The following GABRB3 variants were observed in gnomAD, a reference collection of about 807,000 sequenced individuals.
GABRB3 encodes the protein gamma-aminobutyric acid receptor subunit beta-3.
GABRB3 carries 14 observed loss-of-function variants against 52.1 expected under a neutral mutation model. The observed-to-expected ratio is 0.27, with a 90% CI of 0.18 to 0.42. The LOEUF (loss-of-function observed/expected upper bound fraction) is 0.42, where lower values mean the gene tolerates loss of function less well. Ranked by LOEUF, GABRB3 falls within the 10% of genes least tolerant of loss-of-function variation. The pLI is 1.00. For missense variants in GABRB3, 307 were observed against 609.1 expected, an observed-to-expected ratio of 0.50 and a Z score of 5.22; for synonymous variants, 260 against 232.3, an observed-to-expected ratio of 1.12 and a Z score of -1.08.
intron 3 of GABRB3, among the ~76,000 whole-genome samples, chr15:26,685,367 A>G (rs1888368747): frequency 1.3e-5 from 2 of 152,204 alleles, no homozygotes; most frequent in African/African-American, 4.8e-5. Context: ...ATGATACAGG[A>G]ATGGAGGCAC....
chr15:26,584,278 T>C (rs1890898880), intron 4 of GABRB3, among the ~76,000 whole-genome samples: 1 of 152,202 alleles, frequency 6.6e-6, no homozygotes, highest in Admixed American at 6.5e-5. Flanking sequence ...GTTTCTCTTC[T>C]TGTCTATAGG....
At chr15:26,701,049 G>A (rs572795435) in intron 3 of GABRB3, among the ~76,000 whole-genome samples, 10 of 126,998 alleles carry the variant, frequency 7.9e-5, no homozygotes, top group South Asian at 4.9e-4. Context: ...AGCGAGACTC[G>A]TCTCAAAAAA....
chr15:26,567,522 T>C, intron 7 of GABRB3, 59 bp downstream of exon 7: 1 of 1,545,110 alleles, frequency 6.5e-7, no homozygotes, highest in East Asian at 2.3e-5. Context: ...TTGAACTCTC[T>C]TAATACTGTA....
At chr15:26,680,774 T>G (rs1302324299) in intron 3 of GABRB3, among the ~76,000 whole-genome samples, 1 of 152,180 alleles carries the variant, frequency 6.6e-6, no homozygotes, top group African/African-American at 2.4e-5. Context: ...CATTAAGAGA[T>G]ACACTACTTT....
intron 3 of GABRB3, among the ~76,000 whole-genome samples, chr15:26,645,462 C>T (rs1595505912): frequency 6.6e-6 from 1 of 152,176 alleles, no homozygotes; most frequent in Non-Finnish European, 1.5e-5. Context: ...TGCAATGTGG[C>T]TCTCAATAGC....
chr15:26,729,821 A>G lies in GABRB3; in HGVS notation c.240+42581T>C, dbSNP rs1889863021. 2.0e-5 allele frequency among the ~76,000 whole-genome samples: 3 copies of G among 152,130 alleles called. No homozygotes were observed. The South Asian group carries it at 6.2e-4, about 32-fold the overall frequency. ...TACCTGCCAGGCTCTGCCATGCCCAACAGCACACACTACCATCCAACACAA... is the reference window on the plus strand; with the variant it reads ...TACCTGCCAGGCTCTGCCATGCCCAGCAGCACACACTACCATCCAACACAA... On this transcript the variant is annotated intron_variant, in intron 3 of 8. Coordinates refer to ENST00000311550, the MANE Select transcript of GABRB3 (RefSeq NM_000814.6).
chr15:26,577,864 G>A (rs1377865297), intron 6 of GABRB3, among the ~76,000 whole-genome samples: 1 of 152,192 alleles, frequency 6.6e-6, no homozygotes, highest in Non-Finnish European at 1.5e-5. Flanking sequence ...ATAGCTCACT[G>A]CAGCCTCAAA....
intron 3 of GABRB3, among the ~76,000 whole-genome samples, chr15:26,650,652 T>A (rs1887167859): frequency 6.6e-6 from 1 of 152,126 alleles, no homozygotes; most frequent in Non-Finnish European, 1.5e-5. Flanking sequence ...TTCTGATTGA[T>A]CCCCACCCTT....
At chr15:26,651,187 A>ACGT (rs2140590308) in intron 3 of GABRB3, among the ~76,000 whole-genome samples, 1 of 152,318 alleles carries the variant, frequency 6.6e-6, no homozygotes, top group South Asian at 2.1e-4. Flanking sequence ...ACAGCACCGG[A>ACGT]ACACGCCACC....
At chr15:26,729,353 C>T (rs1478531171) in intron 3 of GABRB3, among the ~76,000 whole-genome samples, 1 of 152,100 alleles carries the variant, frequency 6.6e-6, no homozygotes, top group Non-Finnish European at 1.5e-5. Context: ...CTGTCCCCTC[C>T]ACCTTCCCCC....
chr15:26,597,889 T>C (rs1891454082), intron 4 of GABRB3, among the ~76,000 whole-genome samples: 2 of 152,200 alleles, frequency 1.3e-5, no homozygotes, highest in Admixed American at 1.3e-4. Context: ...TTTATCATAC[T>C]GGGTAGGGGT....
chr15:26,704,295 A>T (rs948863604), intron 3 of GABRB3, among the ~76,000 whole-genome samples: 1 of 152,206 alleles, frequency 6.6e-6, no homozygotes, highest in African/African-American at 2.4e-5. Flanking sequence ...GTAAGTCCTG[A>T]GGTCCCACAG....
intron 3 of GABRB3, among the ~76,000 whole-genome samples, chr15:26,686,156 G>T (rs1209165124): frequency 6.6e-6 from 1 of 151,924 alleles, no homozygotes; most frequent in East Asian, 1.9e-4. Context: ...TGTTGCCTAG[G>T]CTGGTCTTGA....
In GABRB3 at chr15:26,548,149, A is replaced by T. The variant is rs751671667; in HGVS notation, c.1081-15T>A. On this transcript the variant is annotated splice_polypyrimidine_tract_variant and intron_variant, in intron 8 of 8. Transcript: ENST00000311550. ...TGAGCATCCACCTAATTGGACGGAA[A>T]ATGCACATGGTTAGACAGCCAGCAG... 2 of 1,602,390 alleles carry T rather than the reference A, an allele frequency of 1.2e-6. No homozygotes were observed. Among genetic ancestry groups the T allele is most frequent in the Non-Finnish European group, 1.7e-6 (2 of 1,169,442 alleles).
intron 3 of GABRB3, among the ~76,000 whole-genome samples, chr15:26,752,910 A>G (rs1890555783): frequency 6.6e-6 from 1 of 152,108 alleles, no homozygotes; most frequent in Admixed American, 6.5e-5. Flanking sequence ...TTCCTTGAAG[A>G]TTAGGTCCTC....
chr15:26,650,015 CTG>C (rs1352207588), intron 3 of GABRB3, among the ~76,000 whole-genome samples: 2 of 152,122 alleles, frequency 1.3e-5, no homozygotes, highest in African/African-American at 4.8e-5. Context: ...GAGACTGAAA[CTG>C]TGCATTTGTA....
intron 3 of GABRB3, chr15:26,629,126 G>A: frequency 6.6e-7 from 1 of 1,524,862 alleles, no homozygotes; most frequent in Non-Finnish European, 8.8e-7. Context: ...TTACAGGAGA[G>A]GCTGAAGCTC....
intron 3 of GABRB3, among the ~76,000 whole-genome samples, chr15:26,763,639 C>CACACACACACACA (rs368390366): frequency 1.4e-4 from 21 of 148,386 alleles, no homozygotes; most frequent in African/African-American, 2.5e-4. Flanking sequence ...CACACACACA[C>CACACACACACACA]CATGGAATAA....
intron 3 of GABRB3, among the ~76,000 whole-genome samples, chr15:26,718,383 A>AT (rs1165141878): frequency 6.6e-6 from 1 of 152,036 alleles, no homozygotes; most frequent in African/African-American, 2.4e-5. Flanking sequence ...CTAATTTTGC[A>AT]TTTTTAATAG....
Sources: allele counts gnomAD v4.1 joint callset (sites outside exome capture counted in the v4.1 genomes callset), GRCh38; gene constraint gnomAD v4.1.1; transcripts MANE v1.5; gene names NCBI Gene and HGNC (gene_info 2026-07-23, HGNC 2026-07-21).